SMCO2: variants seen among roughly 807,000 people sequenced by gnomAD.
SMCO2 encodes single-pass membrane protein with coiled-coil domains 2.
In SMCO2, 25 loss-of-function variants were observed where a neutral mutation model predicts 29.5. The observed-to-expected ratio is 0.85, with a 90% CI of 0.62 to 1.18. The LOEUF is 1.18. Ranked by LOEUF, SMCO2 falls within the 50% of genes most tolerant of loss-of-function variation. The pLI, the probability that SMCO2 is intolerant of heterozygous loss-of-function variation, is 0.00. For synonymous variants in SMCO2, 117 were observed against 123.3 expected, an observed-to-expected ratio of 0.95 and a Z score of 0.34; for missense variants, 348 against 344.5, an observed-to-expected ratio of 1.01 and a Z score of -0.08.
chr12:27,447,116 A>G, the SMCO2 span, among the ~76,000 whole-genome samples: 1 of 152,176 alleles, frequency 6.6e-6, no homozygotes, highest in African/African-American at 2.4e-5. Context: ...AGCTTAAAAC[A>G]GTGAATGGCA....
chr12:27,482,846 T>C (rs544305), intron 4 of SMCO2, among the ~76,000 whole-genome samples: 18,533 of 152,206 alleles, frequency 0.12, 2,190 homozygotes, highest in African/African-American at 0.29. Context: ...TCCACCTCTG[T>C]TTCCCTAGTA....
At chr12:27,494,976 G>T (rs1942980205) in intron 6 of SMCO2, among the ~76,000 whole-genome samples, 1 of 151,940 alleles carries the variant, frequency 6.6e-6, no homozygotes, top group South Asian at 2.1e-4. Flanking sequence ...CAGCTCACAG[G>T]TCATCTCTTC....
intron 4 of SMCO2, among the ~76,000 whole-genome samples, chr12:27,480,534 C>G (rs1949633253): frequency 1.3e-5 from 2 of 152,196 alleles, no homozygotes; most frequent in African/African-American, 2.4e-5. Flanking sequence ...CCCACCCAAT[C>G]TCATTTTGAA....
intron 4 of SMCO2, among the ~76,000 whole-genome samples, chr12:27,479,971 C>T (rs1949627522): frequency 6.6e-6 from 1 of 152,164 alleles, no homozygotes; most frequent in African/African-American, 2.4e-5. Context: ...AAGAGAGAAG[C>T]CAGTAGCATG....
exon 5 of SMCO2, chr12:27,488,535 G>A (rs1288277979): frequency 6.5e-7 from 1 of 1,540,044 alleles, no homozygotes; most frequent in Non-Finnish European, 8.8e-7. Flanking sequence ...TTGATCAAGG[G>A]ACAAGCACTG....
chr12:27,448,736 G>A, the SMCO2 span, among the ~76,000 whole-genome samples: 3 of 152,186 alleles, frequency 2.0e-5, no homozygotes, highest in African/African-American at 7.2e-5. Flanking sequence ...ATATGTACTA[G>A]CTGGAGGTTA....
chr12:27,488,365 G>T, intron 4 of SMCO2, 95 bp from the exon 6 acceptor site: 1 of 763,404 alleles, frequency 1.3e-6, no homozygotes, highest in Non-Finnish European at 1.9e-6. Flanking sequence ...CCTTTTATAT[G>T]GGAATGGTAT....
chr12:27,450,958 GA>G, the SMCO2 span, among the ~76,000 whole-genome samples: 1 of 152,182 alleles, frequency 6.6e-6, no homozygotes, highest in Admixed American at 6.5e-5. Flanking sequence ...AGAAATTTTA[GA>G]AGCTTTAGGA....
chr12:27,477,389 A>G (rs1949597582), intron 4 of SMCO2, among the ~76,000 whole-genome samples: 1 of 151,554 alleles, frequency 6.6e-6, no homozygotes, highest in Non-Finnish European at 1.5e-5. Context: ...TTTGATTTTG[A>G]CAGTTTGCCT....
intron 1 of SMCO2, among the ~76,000 whole-genome samples, chr12:27,467,595 T>G (rs1484018094): frequency 6.6e-6 from 1 of 152,014 alleles, no homozygotes; most frequent in Non-Finnish European, 1.5e-5. Context: ...AAAAGTTGGC[T>G]TCAAAAGATG....
At chr12:27,462,604 TC>T (rs1168100097), upstream of SMCO2, among the ~76,000 whole-genome samples, 1 of 152,184 alleles carries the variant, frequency 6.6e-6, no homozygotes, top group Non-Finnish European at 1.5e-5. Context: ...AGCTATTGTT[TC>T]CCCATTTTAT....
At chr12:27,429,247 A>G in the SMCO2 span, among the ~76,000 whole-genome samples, 16 of 152,268 alleles carry the variant, frequency 1.1e-4, no homozygotes, top group Admixed American at 1.0e-3. Context: ...ATTCAGGATT[A>G]TATAAAGGTG....
At chr12:27,456,283 C>T in the SMCO2 span, among the ~76,000 whole-genome samples, 1 of 152,188 alleles carries the variant, frequency 6.6e-6, no homozygotes, top group Admixed American at 6.5e-5. Context: ...AGATATGCAT[C>T]AACACATGGA....
intron 4 of SMCO2, among the ~76,000 whole-genome samples, chr12:27,487,299 A>G (rs1949696738): frequency 6.6e-6 from 1 of 152,308 alleles, no homozygotes; most frequent in East Asian, 1.9e-4. Flanking sequence ...TATTTCATGA[A>G]TGCTACATAA....
chr12:27,444,602 A>G, the SMCO2 span, among the ~76,000 whole-genome samples: 1 of 152,198 alleles, frequency 6.6e-6, no homozygotes, highest in African/African-American at 2.4e-5. Flanking sequence ...TCACTAAATC[A>G]TCAGAGAAAT....
chr12:27,463,047 A>G (rs528981115), upstream of SMCO2, among the ~76,000 whole-genome samples: 28 of 152,316 alleles, frequency 1.8e-4, no homozygotes, highest in Non-Finnish European at 3.4e-4. Flanking sequence ...TGTTGGGGTT[A>G]GAGCCAGCTG....
the SMCO2 span, among the ~76,000 whole-genome samples, chr12:27,446,091 A>G: frequency 6.6e-6 from 1 of 151,978 alleles, no homozygotes; most frequent in African/African-American, 2.4e-5. Context: ...TTTAGTAGAG[A>G]TGGGGTTTCA....
At chr12:27,428,091 C>T in the SMCO2 span, among the ~76,000 whole-genome samples, 1 of 151,890 alleles carries the variant, frequency 6.6e-6, no homozygotes, top group South Asian at 2.1e-4. Flanking sequence ...CATCTCTGAA[C>T]ACCAATGTTA....
At chr12:27,427,083 T>G in the SMCO2 span, among the ~76,000 whole-genome samples, 1 of 152,162 alleles carries the variant, frequency 6.6e-6, no homozygotes, top group Non-Finnish European at 1.5e-5. Context: ...AACTATAGAA[T>G]GTGATAGCTG....
Sources: gnomAD v4.1 joint callset for allele counts (sites outside exome capture counted in the v4.1 genomes callset) on GRCh38, gnomAD v4.1.1 for gene constraint, MANE v1.5 for transcripts, NCBI Gene and HGNC (gene_info 2026-07-23, HGNC 2026-07-21) for gene names.